The following MAML3 variants were observed in gnomAD, a reference collection of about 807,000 sequenced individuals.
MAML3 encodes the protein mastermind-like protein 3.
Under a neutral mutation model 101.9 loss-of-function variants are expected in MAML3, and 27 were observed. That is an observed-to-expected ratio of 0.27 (90% CI 0.20 to 0.37). The LOEUF (loss-of-function observed/expected upper bound fraction) is 0.37, where lower values mean the gene tolerates loss of function less well. Among genes scored for constraint, MAML3 ranks in the 10% least tolerant of loss-of-function variants. The pLI, the probability that MAML3 is intolerant of heterozygous loss-of-function variation, is 1.00. For missense variants in MAML3, 1,316 were observed against 1,444.9 expected, an observed-to-expected ratio of 0.91 and a Z score of 1.45; for synonymous variants, 501 against 555.9, an observed-to-expected ratio of 0.90 and a Z score of 1.39.
chr4:139,815,684 T>C (rs1358822040), intron 2 of MAML3, among the ~76,000 whole-genome samples: 1 of 152,210 alleles, frequency 6.6e-6, no homozygotes, highest in Non-Finnish European at 1.5e-5. Flanking sequence ...CTACTACTAC[T>C]ACTTTGTGTT....
intron 1 of MAML3, among the ~76,000 whole-genome samples, chr4:139,955,699 T>C (rs1014961594): frequency 6.6e-6 from 1 of 152,226 alleles, no homozygotes; most frequent in Non-Finnish European, 1.5e-5. Flanking sequence ...CTGGAGCTCA[T>C]GGTAGCTGGT....
At chr4:139,721,455 T>A (rs2110959322) in intron 4 of MAML3, among the ~76,000 whole-genome samples, 1 of 152,326 alleles carries the variant, frequency 6.6e-6, no homozygotes, top group South Asian at 2.1e-4. Context: ...AGCCAGTCAA[T>A]ATTCTAAGCA....
At chr4:140,022,178 A>G (rs1259438835) in intron 1 of MAML3, among the ~76,000 whole-genome samples, 1 of 152,184 alleles carries the variant, frequency 6.6e-6, no homozygotes, top group African/African-American at 2.4e-5. Flanking sequence ...ACATTCTATG[A>G]TGTGTGAAAC....
chr4:140,035,924 T>C (rs1053353275), intron 1 of MAML3, among the ~76,000 whole-genome samples: 1 of 152,248 alleles, frequency 6.6e-6, no homozygotes, highest in African/African-American at 2.4e-5. Flanking sequence ...AGTTCTATCC[T>C]GATGTATTTC....
intron 2 of MAML3, among the ~76,000 whole-genome samples, chr4:139,791,562 T>C (rs1383886669): frequency 1.3e-5 from 2 of 150,666 alleles, no homozygotes. Context: ...ACTTATAAGG[T>C]TATAAATATA....
rs1186102121 is a variant in MAML3, at chr4:140,091,543, C to CAA, written c.468+61315_468+61316dup. On this transcript the variant is annotated intron_variant, in intron 1 of 4. Coordinates refer to ENST00000509479, the MANE Select transcript of MAML3 (RefSeq NM_018717.5). ...ACAAAACAAAACAACAAAACAAAAA[C>CAA]AAAACAAAAAAAAAAAACAGGACCA... Among the ~76,000 whole-genome samples, 9 of 108,290 alleles carry CAA rather than the reference C, an allele frequency of 8.3e-5. 1 individual carries two copies. Among genetic ancestry groups the CAA allele is most frequent in the Non-Finnish European group, 1.1e-4 (6 of 56,296 alleles). 71.0% of individuals were successfully genotyped at this position (108,290 alleles called of 152,430 possible). A position where few individuals can be genotyped will look rare whatever the true frequency, so the allele number is the denominator to read the frequency against.
chr4:140,090,101 C>A (rs535416694), intron 1 of MAML3, among the ~76,000 whole-genome samples: 1 of 152,234 alleles, frequency 6.6e-6, no homozygotes, highest in South Asian at 2.1e-4. Flanking sequence ...AAATTAACAC[C>A]AAACTTCTGG....
At chr4:139,892,520 C>A (rs1732520296) in intron 1 of MAML3, among the ~76,000 whole-genome samples, 1 of 151,286 alleles carries the variant, frequency 6.6e-6, no homozygotes, top group Admixed American at 6.6e-5. Flanking sequence ...TACGCTTTGC[C>A]TCCATTCATT....
At chr4:139,798,730 C>T (rs539719759) in intron 2 of MAML3, among the ~76,000 whole-genome samples, 1 of 152,160 alleles carries the variant, frequency 6.6e-6, no homozygotes, top group East Asian at 1.9e-4. Flanking sequence ...TGGTAGAAAC[C>T]CTCAGAGACT....
At chr4:139,734,954 GCC>G (rs1728874990) in intron 2 of MAML3, among the ~76,000 whole-genome samples, 1 of 152,254 alleles carries the variant, frequency 6.6e-6, no homozygotes, top group Non-Finnish European at 1.5e-5. Context: ...CAGAGCAGCT[GCC>G]GTTCTTCCCG....
At chr4:139,835,090 T>G (rs1199895115) in intron 2 of MAML3, among the ~76,000 whole-genome samples, 1 of 152,262 alleles carries the variant, frequency 6.6e-6, no homozygotes, top group Non-Finnish European at 1.5e-5. Context: ...ACTTCTGATG[T>G]GTGTTCTTGC....
chr4:140,060,677 T>C (rs1727432746), intron 1 of MAML3, among the ~76,000 whole-genome samples: 1 of 152,170 alleles, frequency 6.6e-6, no homozygotes, highest in Non-Finnish European at 1.5e-5. Context: ...TGTTATAAAA[T>C]AGTGTTTGAA....
At chr4:140,119,984 T>A (rs574105796) in intron 1 of MAML3, among the ~76,000 whole-genome samples, 202 of 152,170 alleles carry the variant, frequency 1.3e-3, no homozygotes, top group African/African-American at 4.7e-3. Context: ...ACGCCTGTAA[T>A]CCCAGCACTT....
intron 2 of MAML3, among the ~76,000 whole-genome samples, chr4:139,763,651 GCTGAATC>G (rs1355844056): frequency 6.6e-6 from 1 of 152,182 alleles, no homozygotes; most frequent in African/African-American, 2.4e-5. Context: ...TGTTTATTTG[GCTGAATC>G]CTGGACTGAG....
chr4:139,787,294 G>A (rs1457748282), intron 2 of MAML3, among the ~76,000 whole-genome samples: 1 of 152,204 alleles, frequency 6.6e-6, no homozygotes, highest in East Asian at 1.9e-4. Flanking sequence ...CTACAACTAC[G>A]GAACACTGGC....
chr4:140,151,465 C>G (rs1282500835), intron 1 of MAML3, among the ~76,000 whole-genome samples: 1 of 152,196 alleles, frequency 6.6e-6, no homozygotes, highest in South Asian at 2.1e-4. Context: ...CCGGCCCGAG[C>G]CCCCGGCGAA....
At chr4:140,079,020 G>T (rs1269769886) in intron 1 of MAML3, among the ~76,000 whole-genome samples, 1 of 152,134 alleles carries the variant, frequency 6.6e-6, no homozygotes, top group African/African-American at 2.4e-5. Context: ...ACAGATATGG[G>T]AAGTCCACCT....
At chr4:139,780,505 A>G (rs919899957) in intron 2 of MAML3, among the ~76,000 whole-genome samples, 2 of 152,158 alleles carry the variant, frequency 1.3e-5, no homozygotes, top group Non-Finnish European at 2.9e-5. Flanking sequence ...AGACAGGTGG[A>G]ATGCTTTACC....
At chr4:139,788,327 T>C (rs1730341183) in intron 2 of MAML3, among the ~76,000 whole-genome samples, 1 of 152,190 alleles carries the variant, frequency 6.6e-6, no homozygotes. Flanking sequence ...CTCTTCAAGG[T>C]GGCATTTCTT....
Sources: gnomAD v4.1 joint callset for allele counts (sites outside exome capture counted in the v4.1 genomes callset) on GRCh38, gnomAD v4.1.1 for gene constraint, MANE v1.5 for transcripts, NCBI Gene and HGNC (gene_info 2026-07-23, HGNC 2026-07-21) for gene names.